The following DYNC1I2 variants were observed in gnomAD, a reference collection of about 807,000 sequenced individuals.
DYNC1I2 encodes cytoplasmic dynein 1 intermediate chain 2.
A neutral mutation model predicts 88.6 loss-of-function variants in DYNC1I2; 53 were observed. That is an observed-to-expected ratio of 0.60 (90% CI 0.48 to 0.75). DYNC1I2 has a LOEUF of 0.75. DYNC1I2 is among the 30% of genes least tolerant of loss of function. The probability of loss-of-function intolerance (pLI) is 0.00; values close to 1 mark genes in which losing one functional copy is unlikely to be tolerated. For synonymous variants in DYNC1I2, 198 were observed against 254.6 expected (o/e 0.78, Z 2.12); for missense variants, 458 against 766.6 (o/e 0.60, Z 4.75).
chr2:171,699,627 T>C (rs952284628), intron 3 of DYNC1I2, among the ~76,000 whole-genome samples: 2 of 150,834 alleles, frequency 1.3e-5, no homozygotes, highest in African/African-American at 4.9e-5. Context: ...TGTGTGTGTG[T>C]GTGTGTGGCG....
At chr2:171,699,430 G>C (rs1217983900) in intron 3 of DYNC1I2, among the ~76,000 whole-genome samples, 1 of 152,116 alleles carries the variant, frequency 6.6e-6, no homozygotes. Flanking sequence ...TCATGGTTAT[G>C]GTTTTAAAAT....
intron 7 of DYNC1I2, among the ~76,000 whole-genome samples, chr2:171,716,663 T>C (rs1687517052): frequency 1.3e-5 from 2 of 152,160 alleles, no homozygotes; most frequent in African/African-American, 2.4e-5. Context: ...ACTAGCACTT[T>C]GGGAGACCAA....
Position 171,750,020 on chromosome 2 carries a change from A to G in DYNC1I2, c.*2131A>G, listed in dbSNP as rs190677425. On this transcript the variant is annotated 3_prime_UTR_variant, in exon 18 of 18. Coordinates refer to ENST00000397119, the MANE Select transcript of DYNC1I2 (RefSeq NM_001378.3). ...TTTTTTCTGAGTAAGAAAACAAGCTATAGCTTTCTGGTTAATTTCTTATTT... is the reference window on the plus strand; with the variant it reads ...TTTTTTCTGAGTAAGAAAACAAGCTGTAGCTTTCTGGTTAATTTCTTATTT... Among the ~76,000 whole-genome samples the G allele has an allele frequency of 4.5e-4, 68 of 152,286 alleles. No homozygotes were observed. In the East Asian group the frequency reaches 6.7e-3, roughly 15 times the overall value.
At chr2:171,697,737 A>G (rs1685888543) in intron 3 of DYNC1I2, among the ~76,000 whole-genome samples, 1 of 152,008 alleles carries the variant, frequency 6.6e-6, no homozygotes, top group African/African-American at 2.4e-5. Flanking sequence ...AGGCACCTGT[A>G]GTCCTAGCTA....
intron 3 of DYNC1I2, among the ~76,000 whole-genome samples, chr2:171,699,093 G>A (rs1044743942): frequency 4.6e-5 from 7 of 152,180 alleles, no homozygotes; most frequent in African/African-American, 7.2e-5. Context: ...CAGATCATAA[G>A]GTCAGGAGTT....
At chr2:171,738,287 G>A (rs921188198) in intron 15 of DYNC1I2, among the ~76,000 whole-genome samples, 4 of 151,576 alleles carry the variant, frequency 2.6e-5, no homozygotes, top group African/African-American at 4.9e-5. Context: ...AGCTGAGATC[G>A]CACCATTGCA....
chr2:171,734,082 AG>A, intron 15 of DYNC1I2, among the ~76,000 whole-genome samples: 1 of 152,002 alleles, frequency 6.6e-6, no homozygotes, highest in East Asian at 1.9e-4. Flanking sequence ...TTTTTTTGTC[AG>A]GTTTGTCAAA....
chr2:171,689,541 A>G (rs17615013), intron 1 of DYNC1I2, among the ~76,000 whole-genome samples: 15,781 of 152,166 alleles, frequency 0.1, 999 homozygotes, highest in Admixed American at 0.21. Flanking sequence ...TATCTTGGGT[A>G]CCTAATATAT....
At chr2:171,693,066 T>G (rs1489456749) in intron 3 of DYNC1I2, 172 bp downstream of exon 3, 4 of 592,296 alleles carry the variant, frequency 6.8e-6, no homozygotes, top group Non-Finnish European at 9.2e-6. Flanking sequence ...CATGGTTATT[T>G]TATTTGTTCA....
At chr2:171,697,839 G>A (rs1307087307) in intron 3 of DYNC1I2, among the ~76,000 whole-genome samples, 1 of 147,448 alleles carries the variant, frequency 6.8e-6, no homozygotes. Flanking sequence ...GAGCGACACA[G>A]CAAGACCCTA....
intron 7 of DYNC1I2, among the ~76,000 whole-genome samples, chr2:171,723,391 T>C (rs1688023932): frequency 6.6e-6 from 1 of 152,200 alleles, no homozygotes; most frequent in Non-Finnish European, 1.5e-5. Flanking sequence ...TAGCAGAAAG[T>C]GGAAAATATA....
chr2:171,709,604 CAAAT>C (rs932710943), intron 5 of DYNC1I2, among the ~76,000 whole-genome samples: 37 of 152,136 alleles, frequency 2.4e-4, no homozygotes, highest in African/African-American at 8.7e-4. Context: ...AACACAAAAA[CAAAT>C]AGTTAATATT....
chr2:171,727,046 A>G (rs777596379), intron 11 of DYNC1I2, 130 bp downstream of exon 11: 20 of 1,011,310 alleles, frequency 2.0e-5, no homozygotes, highest in Admixed American at 3.2e-5. Flanking sequence ...ACCACTCCAT[A>G]TTTGCAAACA....
chr2:171,743,973 T>C, intron 15 of DYNC1I2, 76 bp from the exon 16 acceptor site: 6 of 1,298,254 alleles, frequency 4.6e-6, no homozygotes, highest in Non-Finnish European at 6.1e-6. Context: ...TATGTCATTT[T>C]TTTCCCAGTG....
At position 171,687,543 on chromosome 2, in the gene DYNC1I2, C is replaced by G. The variant is rs757966929; in HGVS notation, c.-94C>G. On this transcript the variant is annotated 5_prime_UTR_variant, in exon 1 of 18. Coordinates refer to ENST00000397119, the MANE Select transcript of DYNC1I2 (RefSeq NM_001378.3). ...GCCTGAGAATATTAGGCGTAGTTTT[C>G]CAGTTTTTGGCAAAGCGGAAATACT... 1.3e-5 allele frequency: 2 copies of G among 152,168 alleles called. No homozygotes were observed. The highest frequency in any genetic ancestry group is 2.9e-5 in the Non-Finnish European group (2 of 68,044). 9.4% of individuals were successfully genotyped at this position (152,168 alleles called of 1,614,324 possible).
intron 13 of DYNC1I2, 41 bp downstream of exon 13, chr2:171,728,459 T>C (rs765763270): frequency 3.9e-6 from 5 of 1,281,260 alleles, no homozygotes; most frequent in African/African-American, 1.5e-5. Flanking sequence ...AGGCAAATGT[T>C]ATGTTTTAAG....
chr2:171,725,589 T>C (rs574225557), intron 7 of DYNC1I2, 29 bp from the exon 8 acceptor site: 1 of 1,361,718 alleles, frequency 7.3e-7, no homozygotes, highest in Non-Finnish European at 9.9e-7. Context: ...TTTTTTTGTT[T>C]TTTTGTTTGT....
At chr2:171,733,814 G>T (rs1574617349) in intron 15 of DYNC1I2, among the ~76,000 whole-genome samples, 1 of 150,516 alleles carries the variant, frequency 6.6e-6, no homozygotes, top group African/African-American at 2.5e-5. Context: ...GATCCCATTC[G>T]TCAAATTTTG....
chr2:171,693,327 A>G (rs188270479), intron 3 of DYNC1I2, among the ~76,000 whole-genome samples: 1 of 152,212 alleles, frequency 6.6e-6, no homozygotes, highest in Non-Finnish European at 1.5e-5. Flanking sequence ...GTGGAAGGAT[A>G]AGCTTATAGC....
Sources: allele counts gnomAD v4.1 joint callset (sites outside exome capture counted in the v4.1 genomes callset), GRCh38; gene constraint gnomAD v4.1.1; transcripts MANE v1.5; gene names NCBI Gene and HGNC (gene_info 2026-07-23, HGNC 2026-07-21).